The following DGKB variants were observed in gnomAD, a reference collection of about 807,000 sequenced individuals.
DGKB encodes the protein diacylglycerol kinase beta.
In DGKB, 67 loss-of-function variants were observed where a neutral mutation model predicts 114.3. That is an observed-to-expected ratio of 0.59 (90% CI 0.48 to 0.72). The LOEUF (loss-of-function observed/expected upper bound fraction) is 0.72. DGKB is among the 30% of genes least tolerant of loss of function. DGKB has a pLI of 0.00. For synonymous variants in DGKB, 398 were observed against 323.1 expected (o/e 1.23, Z -2.49); for missense variants, 907 against 975.2 (o/e 0.93, Z 0.93).
chr7:14,670,515 G>A (rs1309849437), intron 13 of DGKB, among the ~76,000 whole-genome samples: 1 of 151,822 alleles, frequency 6.6e-6, no homozygotes, highest in Non-Finnish European at 1.5e-5. Flanking sequence ...TGTTGGCCAG[G>A]GGGGGTCTTG....
At chr7:14,299,758 C>A (rs1303000445) in intron 23 of DGKB, among the ~76,000 whole-genome samples, 18 of 152,196 alleles carry the variant, frequency 1.2e-4, no homozygotes, top group Admixed American at 9.2e-4. Flanking sequence ...TGCTTTCACA[C>A]CTGCCGCTTC....
chr7:14,503,395 C>G (rs1468807634), intron 20 of DGKB, among the ~76,000 whole-genome samples: 2 of 152,156 alleles, frequency 1.3e-5, no homozygotes, highest in Non-Finnish European at 2.9e-5. Context: ...ACTGCTTTCT[C>G]TCTTCTATAA....
intron 23 of DGKB, among the ~76,000 whole-genome samples, chr7:14,263,728 A>G (rs1040985611): frequency 1.3e-5 from 2 of 152,146 alleles, no homozygotes; most frequent in African/African-American, 4.8e-5. Flanking sequence ...AGATCTTCCT[A>G]ATCTGAGAAC....
chr7:14,704,519 T>G (rs1240333232), intron 6 of DGKB, among the ~76,000 whole-genome samples: 1 of 150,472 alleles, frequency 6.6e-6, no homozygotes, highest in Admixed American at 6.6e-5. Flanking sequence ...ACAGCTCCGG[T>G]CTACAGCTCC....
chr7:14,557,199 T>C (rs2128659942), intron 20 of DGKB, among the ~76,000 whole-genome samples: 1 of 152,364 alleles, frequency 6.6e-6, no homozygotes, highest in South Asian at 2.1e-4. Flanking sequence ...CTATCTTAGA[T>C]GTGCTACCGC....
chr7:14,958,717 C>G (rs1786665073), intron 1 of DGKB, among the ~76,000 whole-genome samples: 1 of 151,958 alleles, frequency 6.6e-6, no homozygotes, highest in Admixed American at 6.6e-5. Context: ...TTTATCACCT[C>G]CTTAGATGTA....
chr7:14,758,134 A>G (rs1477048548), intron 2 of DGKB, among the ~76,000 whole-genome samples: 1 of 152,078 alleles, frequency 6.6e-6, no homozygotes, highest in Non-Finnish European at 1.5e-5. Flanking sequence ...TAGTTGTGTC[A>G]CATATTTTAC....
intron 23 of DGKB, among the ~76,000 whole-genome samples, chr7:14,337,183 A>T (rs1171027030): frequency 5.3e-5 from 8 of 152,140 alleles, no homozygotes; most frequent in African/African-American, 1.9e-4. Flanking sequence ...ATATTTAAAT[A>T]CAAATATAAA....
chr7:14,788,125 G>C (rs1562535270), intron 2 of DGKB, among the ~76,000 whole-genome samples: 2 of 152,214 alleles, frequency 1.3e-5, no homozygotes, highest in Non-Finnish European at 2.9e-5. Flanking sequence ...CTTTATCCCA[G>C]ACAAAACCTT....
Position 14,571,343 on chromosome 7 carries a change from C to G in DGKB, c.1770+2869G>C, listed in dbSNP as rs766993848. Among the ~76,000 whole-genome samples, 4 of 152,150 alleles carry G rather than the reference C, an allele frequency of 2.6e-5. No homozygotes were observed. The South Asian group carries it at 6.2e-4, about 24-fold the overall frequency. On this transcript the variant is annotated intron_variant, in intron 20 of 25. Coordinates refer to ENST00000402815, the MANE Select transcript of DGKB (RefSeq NM_001350709.2). ...GAACTGACTTGATTTGAAATGGAAG[C>G]CAGAAAATCTCTATGGCCTAGAACA...
rs139319516 is a variant in DGKB at position 14,177,161 on chromosome 7, TTA to T, written c.2244-264_2244-263del. Among the ~76,000 whole-genome samples the T allele has an allele frequency of 4.8e-3, 723 of 152,184 alleles. 6 individuals are homozygous for T. Among genetic ancestry groups the T allele is most frequent in the African/African-American group, 0.016 (677 of 41,524 alleles). On this transcript the variant is annotated intron_variant, in intron 24 of 25. Coordinates refer to ENST00000402815, the MANE Select transcript of DGKB (RefSeq NM_001350709.2). ...GATGCCAAAAGAAAAATTTCAGGGT[TTA>T]TGTTTAATGACACGATCAGAATTTC...
intron 21 of DGKB, among the ~76,000 whole-genome samples, chr7:14,354,383 G>C (rs906058006): frequency 6.6e-6 from 1 of 152,126 alleles, no homozygotes; most frequent in Non-Finnish European, 1.5e-5. Context: ...TTCCACTCCT[G>C]ACTTTGGGTA....
At chr7:14,163,405 T>G (rs1462188757) in intron 25 of DGKB, among the ~76,000 whole-genome samples, 1 of 152,304 alleles carries the variant, frequency 6.6e-6, no homozygotes, top group African/African-American at 2.4e-5. Flanking sequence ...AACTAATTAA[T>G]GCATAAGTAA....
chr7:14,323,192 C>A (rs1264968963), intron 23 of DGKB, among the ~76,000 whole-genome samples: 2 of 151,968 alleles, frequency 1.3e-5, no homozygotes. Context: ...AGGCCAGATG[C>A]AAATCAATAT....
chr7:14,944,228 C>G (rs1391065006), intron 1 of DGKB, among the ~76,000 whole-genome samples: 1 of 151,864 alleles, frequency 6.6e-6, no homozygotes. Context: ...CTAACCAGCT[C>G]ACTTTTGATC....
intron 12 of DGKB, among the ~76,000 whole-genome samples, 173 bp downstream of exon 12, chr7:14,682,380 A>C (rs1344138693): frequency 6.6e-6 from 1 of 152,106 alleles, no homozygotes; most frequent in East Asian, 1.9e-4. Flanking sequence ...CTATGGGGAC[A>C]AATCTGACCC....
chr7:14,854,281 C>T (rs1464664723), intron 1 of DGKB, among the ~76,000 whole-genome samples: 1 of 152,092 alleles, frequency 6.6e-6, no homozygotes, highest in Non-Finnish European at 1.5e-5. Context: ...ACCTGATTCT[C>T]ATGGTGAGCA....
intron 20 of DGKB, among the ~76,000 whole-genome samples, chr7:14,501,648 C>T (rs1415335832): frequency 6.6e-6 from 1 of 152,018 alleles, no homozygotes; most frequent in African/African-American, 2.4e-5. Context: ...ACTGGCAATA[C>T]GTGTTCTGCT....
At chr7:14,687,046 A>G (rs1474868794) in intron 9 of DGKB, among the ~76,000 whole-genome samples, 1 of 152,102 alleles carries the variant, frequency 6.6e-6, no homozygotes, top group Non-Finnish European at 1.5e-5. Context: ...ATTATAATTC[A>G]TTTAGTTTTC....
Sources: gnomAD v4.1 joint callset for allele counts (sites outside exome capture counted in the v4.1 genomes callset) on GRCh38, gnomAD v4.1.1 for gene constraint, MANE v1.5 for transcripts, NCBI Gene and HGNC (gene_info 2026-07-23, HGNC 2026-07-21) for gene names.